Variants in VAX2 observed in about 807,000 individuals in gnomAD.
The protein encoded by VAX2 is ventral anterior homeobox 2.
VAX2 carries 8 observed loss-of-function variants against 12.5 expected under a neutral mutation model. That is an observed-to-expected ratio of 0.64 (90% CI 0.37 to 1.15). The LOEUF is 1.15. Among genes scored for constraint, VAX2 ranks in the 50% most tolerant of loss-of-function variants. The pLI, the probability that VAX2 is intolerant of heterozygous loss-of-function variation, is 0.01. For synonymous variants in VAX2, 183 were observed against 187.6 expected, an observed-to-expected ratio of 0.98 and a Z score of 0.20; for missense variants, 476 against 412.9, an observed-to-expected ratio of 1.15 and a Z score of -1.32.
chr2:70,917,848 A>G (rs1553412243), intron 1 of VAX2, among the ~76,000 whole-genome samples: 2 of 152,116 alleles, frequency 1.3e-5, no homozygotes, highest in African/African-American at 4.8e-5. Flanking sequence ...GAGGCTTATT[A>G]AGGGGAGGGT....
chr2:70,929,234 A>G lies in VAX2; in HGVS notation c.436-3533A>G, dbSNP rs9973378. Among the ~76,000 whole-genome samples, 230 of 152,302 alleles carry G rather than the reference A, an allele frequency of 1.5e-3. 1 individual carries two copies. The highest frequency in any genetic ancestry group is 5.2e-3 in the African/African-American group (217 of 41,560). On this transcript the variant is annotated intron_variant, in intron 2 of 2. Coordinates refer to ENST00000234392, the MANE Select transcript of VAX2 (RefSeq NM_012476.3). The stretch of plus-strand genomic sequence containing the variant: ...AATGTCCCCTCTTCAGGGAGGCTGT[A>G]TGTGCCATTCCATTAACAAAACAGT...
intron 1 of VAX2, among the ~76,000 whole-genome samples, chr2:70,914,970 T>C (rs1679277189): frequency 6.6e-6 from 1 of 152,066 alleles, no homozygotes; most frequent in African/African-American, 2.4e-5. Context: ...CCAGCTAATT[T>C]TTTTATTTTT....
intron 2 of VAX2, among the ~76,000 whole-genome samples, chr2:70,927,233 T>C (rs1442582316): frequency 6.6e-6 from 1 of 151,942 alleles, no homozygotes; most frequent in African/African-American, 2.4e-5. Flanking sequence ...CATAAGAGGA[T>C]GTGGCTGCAG....
intron 2 of VAX2, among the ~76,000 whole-genome samples, chr2:70,926,725 T>C (rs1460871388): frequency 2.6e-5 from 4 of 152,132 alleles, no homozygotes; most frequent in African/African-American, 9.7e-5. Flanking sequence ...TATGGAAAAG[T>C]GAGCAAATCT....
rs1679733501 is a variant in VAX2 at position 70,932,957 on chromosome 2, G to C, written c.626G>C (p.Gly209Ala). Residue 209 changes from glycine (G) to alanine (A), a missense_variant, in exon 3 of 3, where the codon GGC becomes GCC. Coordinates refer to ENST00000234392, the MANE Select transcript of VAX2 (RefSeq NM_012476.3). Reference protein sequence around the residue: ...SLLALTPSLPGLPASHRGTSL... With the variant: ...SLLALTPSLPALPASHRGTSL... ...CTGGCGCTGACCCCTAGCCTGCCAGGCCTACCTGCCAGCCACAGGGGCACC... is the reference window on the plus strand; with the variant it reads ...CTGGCGCTGACCCCTAGCCTGCCAGCCCTACCTGCCAGCCACAGGGGCACC... 6.2e-7 allele frequency: 1 copy of C among 1,611,476 alleles called. No individual in the cohort carries two copies. The highest frequency in any genetic ancestry group is 1.3e-5 in the African/African-American group (1 of 74,860).
In VAX2 at chr2:70,908,967, G is replaced by A. The variant is rs139268988; in HGVS notation, c.247+8099G>A. On this transcript the variant is annotated intron_variant, in intron 1 of 2. Coordinates refer to ENST00000234392, the MANE Select transcript of VAX2 (RefSeq NM_012476.3). ...CGATCTTCATATTCATTAGCCAGTT[G>A]TATTTCTTCTATCTATTGATTCATT... Among the ~76,000 whole-genome samples the A allele has an allele frequency of 3.1e-3, 465 of 152,218 alleles. 2 individuals carry two copies. Among genetic ancestry groups the A allele is most frequent in the Non-Finnish European group, 4.3e-3 (295 of 68,000 alleles).
chr2:70,922,874 G>C (rs984922491), intron 2 of VAX2, among the ~76,000 whole-genome samples: 18 of 152,158 alleles, frequency 1.2e-4, no homozygotes, highest in African/African-American at 4.3e-4. Context: ...AGAACTCCTG[G>C]GGAAGTCACT....
At chr2:70,921,001 C>A in intron 1 of VAX2, 97 bp from the exon 2 acceptor site, 1 of 1,372,780 alleles carries the variant, frequency 7.3e-7, no homozygotes, top group Non-Finnish European at 9.6e-7. Context: ...GCCTGAGGAG[C>A]TCTGCGATAG....
intron 2 of VAX2, among the ~76,000 whole-genome samples, chr2:70,926,272 T>C (rs1679569658): frequency 6.6e-6 from 1 of 152,090 alleles, no homozygotes; most frequent in South Asian, 2.1e-4. Context: ...TTGCCCAGAC[T>C]CCATGGCTGT....
At chr2:70,932,125 G>A (rs1368365326) in intron 2 of VAX2, among the ~76,000 whole-genome samples, 2 of 152,186 alleles carry the variant, frequency 1.3e-5, no homozygotes, top group Non-Finnish European at 2.9e-5. Context: ...CCACGGTCCA[G>A]GTCAGAGAGA....
At chr2:70,925,199 T>C (rs868973349) in intron 2 of VAX2, among the ~76,000 whole-genome samples, 3 of 152,162 alleles carry the variant, frequency 2.0e-5, no homozygotes, top group Middle Eastern at 3.4e-3. Flanking sequence ...TGACAGGAGA[T>C]GATTGGCATT....
At chr2:70,915,872 C>A (rs979522016) in intron 1 of VAX2, among the ~76,000 whole-genome samples, 1 of 152,108 alleles carries the variant, frequency 6.6e-6, no homozygotes, top group Non-Finnish European at 1.5e-5. Flanking sequence ...TCCCCACATG[C>A]AGTCATTTGA....
intron 1 of VAX2, among the ~76,000 whole-genome samples, chr2:70,905,476 C>A (rs887863626): frequency 1.3e-5 from 2 of 151,554 alleles, no homozygotes; most frequent in Non-Finnish European, 2.9e-5. Context: ...CCTTCCATAA[C>A]CCTTACCCCC....
In VAX2 at chr2:70,904,110, G is replaced by A. The variant is rs1241608838; in HGVS notation, c.247+3242G>A. ...GCACCCCGCACATCGCACCGCGGAC[G>A]CAGCGATCCTCCCATTTGTACCCTA... On this transcript the variant is annotated intron_variant, in intron 1 of 2. Coordinates refer to ENST00000234392, the MANE Select transcript of VAX2 (RefSeq NM_012476.3). The surrounding 1 kb of genome is among the most constrained non-coding windows in gnomAD (Gnocchi z 4.2). Among the ~76,000 whole-genome samples, 1 of 152,206 alleles carries A rather than the reference G, an allele frequency of 6.6e-6. No individual in the cohort carries two copies.
chr2:70,906,350 A>G (rs190594116), intron 1 of VAX2, among the ~76,000 whole-genome samples: 2 of 152,172 alleles, frequency 1.3e-5, no homozygotes, highest in Non-Finnish European at 2.9e-5. Flanking sequence ...GATGTGGCCT[A>G]CAGAGCCAGG....
intron 1 of VAX2, among the ~76,000 whole-genome samples, chr2:70,909,118 G>A (rs1042911792): frequency 3.3e-5 from 5 of 151,992 alleles, no homozygotes; most frequent in Non-Finnish European, 7.4e-5. Flanking sequence ...TGTTTAGGAT[G>A]GTCTTTTGTT....
chr2:70,919,899 C>T (rs768332901), intron 1 of VAX2, among the ~76,000 whole-genome samples: 35 of 152,208 alleles, frequency 2.3e-4, no homozygotes, highest in Non-Finnish European at 3.8e-4. Context: ...GTGCTTAGAA[C>T]AGTGACTGGC....
chr2:70,913,257 A>T (rs1175903768), intron 1 of VAX2, among the ~76,000 whole-genome samples: 1 of 152,224 alleles, frequency 6.6e-6, no homozygotes, highest in East Asian at 1.9e-4. Context: ...GTGGCAACAC[A>T]CACACACTCT....
rs1553414680 is a variant in VAX2 at position 70,933,212 on chromosome 2, A to T, written c.*8A>T. ...AAGAAAGCTAACACTTAAGACTCCC[A>T]CCCTGTGACACTGAGTCCCGAGCAC... On this transcript the variant is annotated 3_prime_UTR_variant, in exon 3 of 3. Transcript: ENST00000234392. 3 of 1,501,696 alleles carry T rather than the reference A, an allele frequency of 2.0e-6. No homozygotes were observed. The South Asian group carries it at 4.1e-5, about 21-fold the overall frequency. The allele number at this position is 1,501,696 out of a possible 1,614,324, so 93.0% of individuals were successfully genotyped here. A position where few individuals can be genotyped will look rare whatever the true frequency, so the allele number is the denominator to read the frequency against.
Sources: gnomAD v4.1 joint callset for allele counts (sites outside exome capture counted in the v4.1 genomes callset) on GRCh38, gnomAD v4.1.1 for gene constraint, Gnocchi (gnomAD v3.1) non-coding constraint, MANE v1.5 for transcripts, NCBI Gene and HGNC (gene_info 2026-07-23, HGNC 2026-07-21) for gene names.